The following LHPP variants were observed in gnomAD, a reference collection of about 807,000 sequenced individuals.
LHPP encodes the protein phospholysine phosphohistidine inorganic pyrophosphate phosphatase.
Under a neutral mutation model 30.3 loss-of-function variants are expected in LHPP, and 24 were observed. The observed-to-expected ratio is 0.79, with a 90% CI of 0.57 to 1.11. The LOEUF is 1.11. Among genes scored for constraint, LHPP ranks in the 50% most tolerant of loss-of-function variants. The pLI, the probability that LHPP is intolerant of heterozygous loss-of-function variation, is 0.00. For missense variants in LHPP, 356 were observed against 367.2 expected, an observed-to-expected ratio of 0.97 and a Z score of 0.25; for synonymous variants, 150 against 157.1, an observed-to-expected ratio of 0.95 and a Z score of 0.34.
At chr10:124,498,292 G>A (rs1277804119) in intron 5 of LHPP, 164 bp downstream of exon 5, 130 of 1,573,856 alleles carry the variant, frequency 8.3e-5, no homozygotes, top group Non-Finnish European at 1.1e-4. Flanking sequence ...GGGGAAGACA[G>A]CAAACGAAAT....
intron 6 of LHPP, among the ~76,000 whole-genome samples, chr10:124,532,550 A>T (rs1457579548): frequency 6.6e-6 from 1 of 152,024 alleles, no homozygotes; most frequent in African/African-American, 2.4e-5. Flanking sequence ...TTCTCTCTCC[A>T]TCTGCTTATC....
chr10:124,545,955 C>A (rs1955328079), intron 6 of LHPP: 1 of 152,266 alleles, frequency 6.6e-6, no homozygotes, highest in Non-Finnish European at 1.5e-5. Context: ...TGGTATTGAC[C>A]AGGCGTGTGT....
At chr10:124,573,011 G>A (rs1948610172) in intron 6 of LHPP, among the ~76,000 whole-genome samples, 1 of 152,248 alleles carries the variant, frequency 6.6e-6, no homozygotes, top group African/African-American at 2.4e-5. Flanking sequence ...GTTCAACTGC[G>A]TGGTGTGGGT....
intron 5 of LHPP, among the ~76,000 whole-genome samples, chr10:124,516,305 C>T (rs1247852571): frequency 6.6e-6 from 1 of 152,212 alleles, no homozygotes; most frequent in African/African-American, 2.4e-5. Context: ...GTGCCTCTTC[C>T]TCTGGTAAGG....
At chr10:124,612,691 A>T (rs1398728903) in intron 6 of LHPP, 1 of 154,320 alleles carries the variant, frequency 6.5e-6, no homozygotes, top group African/African-American at 2.4e-5. Context: ...TCCCAGCCAG[A>T]GGGCAGTTTA....
At chr10:124,536,824 T>C (rs372310058) in intron 6 of LHPP, among the ~76,000 whole-genome samples, 27 of 152,176 alleles carry the variant, frequency 1.8e-4, no homozygotes, top group East Asian at 1.4e-3. Flanking sequence ...TCGGGGAGGA[T>C]TGGCTAGAAC....
chr10:124,553,403 A>G (rs2085174), intron 6 of LHPP, among the ~76,000 whole-genome samples: 149,728 of 150,852 alleles, frequency 0.99, 74,319 homozygotes, highest in East Asian at 1. Context: ...CTGAAACCCC[A>G]GGAAAATCCC....
rs1949162192 is a variant in LHPP at position 124,610,440 on chromosome 10, C to CGGGTGAGGGTGCTGGTGG, written c.717-2824_717-2823insGGGTGAGGGTGCTGGTGG. 5.2e-4 allele frequency among the ~76,000 whole-genome samples: 19 copies of CGGGTGAGGGTGCTGGTGG among 36,520 alleles called. 2 individuals carry two copies. Among genetic ancestry groups the CGGGTGAGGGTGCTGGTGG allele is most frequent in the Non-Finnish European group, 8.0e-4 (16 of 20,074 alleles). The allele number at this position is 36,520 out of a possible 152,430, so 24.0% of individuals were successfully genotyped here. On this transcript the variant is annotated intron_variant, in intron 6 of 6. Transcript: ENST00000368842. ...GAGGGTGAGGGTGAGGGTGCTGATG[C>CGGGTGAGGGTGCTGGTGG]AGCGGGTGAGGGTGAGGGTGAGGGT...
chr10:124,547,446 G>T (rs1955377316), intron 6 of LHPP, among the ~76,000 whole-genome samples: 1 of 152,236 alleles, frequency 6.6e-6, no homozygotes, highest in Non-Finnish European at 1.5e-5. Context: ...AGAGTCTGCA[G>T]CTCGTTCTCC....
chr10:124,522,407 G>A (rs1027246526), intron 6 of LHPP, among the ~76,000 whole-genome samples: 3 of 152,154 alleles, frequency 2.0e-5, no homozygotes, highest in African/African-American at 7.2e-5. Context: ...CTCCGTGGGG[G>A]GTCCTGTGCC....
At position 124,523,306 on chromosome 10, in the gene LHPP, C is replaced by G. The variant is rs55916645; in HGVS notation, c.716+6035C>G. Among the ~76,000 whole-genome samples, 3,892 of 152,322 alleles carry G rather than the reference C, an allele frequency of 0.026. 68 individuals are homozygous for G. The highest frequency in any genetic ancestry group is 0.038 in the Non-Finnish European group (2,599 of 68,024). On this transcript the variant is annotated intron_variant, in intron 6 of 6. Transcript: ENST00000368842. This position sits in a 1 kb window ranked among gnomAD's most constrained non-coding sequence, Gnocchi z 4.2. ...GCCTGGGTGCTGAAGGGGTTTCCCC[C>G]CAGTGGGGTGGCCAGCCGATCTAGG...
intron 1 of LHPP, among the ~76,000 whole-genome samples, chr10:124,468,716 C>T (rs1194459350): frequency 1.3e-5 from 2 of 152,216 alleles, no homozygotes; most frequent in Admixed American, 6.5e-5. Flanking sequence ...CTTCGGCTCT[C>T]GGCAGACCTT....
chr10:124,600,223 C>T (rs1443887342), intron 6 of LHPP, among the ~76,000 whole-genome samples: 2 of 152,246 alleles, frequency 1.3e-5, no homozygotes, highest in African/African-American at 4.8e-5. Flanking sequence ...CCCTGTCAGA[C>T]CTCCAGGATC....
At chr10:124,468,821 C>G (rs1952638096) in intron 1 of LHPP, among the ~76,000 whole-genome samples, 2 of 152,232 alleles carry the variant, frequency 1.3e-5, no homozygotes, top group Admixed American at 1.3e-4. Flanking sequence ...ACCCTCAGGG[C>G]CCGGGAAGCT....
rs1172320131 is a variant in LHPP, at chr10:124,517,242, A to G, written c.687A>G (p.Arg229=). ...DVGGAQRCGM[R]ALQVRTGKFR... is the part of the protein sequence containing the mutation. ...GCGGTGCCCAGCGGTGTGGAATGAG[A>G]GCGCTGCAGGTGCGCACCGGGAAGT... The change falls in exon 6 of 7, where the codon AGA becomes AGG. Residue 229 remains arginine (R), a synonymous_variant. Coordinates refer to ENST00000368842, the MANE Select transcript of LHPP (RefSeq NM_022126.4). The surrounding 1 kb of genome is among the most constrained non-coding windows in gnomAD (Gnocchi z 4.1). 6.2e-7 allele frequency: 1 copy of G among 1,605,166 alleles called. No individual in the cohort carries two copies. The highest frequency in any genetic ancestry group is 1.1e-5 in the South Asian group (1 of 89,510).
chr10:124,490,710 C>T (rs373676842), intron 3 of LHPP: 108 of 164,108 alleles, frequency 6.6e-4, no homozygotes, highest in African/African-American at 2.4e-3. Context: ...TGGTGCATTT[C>T]GGATGACGTC....
At chr10:124,601,075 G>A (rs1182859671) in intron 6 of LHPP, among the ~76,000 whole-genome samples, 1 of 152,212 alleles carries the variant, frequency 6.6e-6, no homozygotes, top group Non-Finnish European at 1.5e-5. Context: ...TGGAGGAGGT[G>A]ACTTGTTCTT....
intron 6 of LHPP, among the ~76,000 whole-genome samples, chr10:124,520,482 A>T (rs144675979): frequency 1.2e-3 from 178 of 152,320 alleles, no homozygotes; most frequent in African/African-American, 4.0e-3. Flanking sequence ...ATATCCACCA[A>T]GCTCCAGACA....
intron 6 of LHPP, among the ~76,000 whole-genome samples, chr10:124,601,747 C>T (rs1036275832): frequency 2.6e-5 from 4 of 152,222 alleles, no homozygotes; most frequent in African/African-American, 7.2e-5. Context: ...CCAAGGTTCA[C>T]GGCAAAAACC....
Sources: allele counts gnomAD v4.1 joint callset (sites outside exome capture counted in the v4.1 genomes callset), GRCh38; gene constraint gnomAD v4.1.1; non-coding constraint Gnocchi (gnomAD v3.1); transcripts MANE v1.5; gene names NCBI Gene and HGNC (gene_info 2026-07-23, HGNC 2026-07-21).